Variants in OTOGL observed in about 807,000 individuals in gnomAD.
OTOGL encodes the protein otogelin like, also known as otogelin-like protein.
A neutral mutation model predicts 318.5 loss-of-function variants in OTOGL; 285 were observed. The ratio of observed to expected loss-of-function variants is 0.89; its 90% CI spans 0.81 to 0.99. OTOGL has a LOEUF of 0.99. Ranked by LOEUF, OTOGL falls within the 50% of genes least tolerant of loss-of-function variation. The probability of loss-of-function intolerance (pLI) is 0.00; values close to 1 mark genes in which losing one functional copy is unlikely to be tolerated. For synonymous variants in OTOGL, 987 were observed against 936.5 expected (o/e 1.05, Z -0.99); for missense variants, 2,899 against 2,845.6 (o/e 1.02, Z -0.43).
intron 7 of OTOGL, among the ~76,000 whole-genome samples, chr12:80,225,475 CT>C (rs1019817005): frequency 6.6e-6 from 1 of 152,052 alleles, no homozygotes; most frequent in African/African-American, 2.4e-5. Flanking sequence ...TGAAATGTCA[CT>C]TTCCCCTTGA....
In OTOGL at chr12:80,377,833, TG is replaced by T; in HGVS notation, c.6862-14del. ...AAAAGTTTAAGACTTTTTTTCTCAT[TG>T]TCACTTCTTACAGATAAATGTTGCA... On this transcript the variant is annotated splice_polypyrimidine_tract_variant and intron_variant, in intron 58 of 58. Transcript: ENST00000547103. 1.3e-6 allele frequency: 2 copies of T among 1,584,118 alleles called. No homozygotes were observed. The highest frequency in any genetic ancestry group is 1.7e-6 in the Non-Finnish European group (2 of 1,158,136).
chr12:80,176,184 G>T (rs551255679), intron 1 of OTOGL, among the ~76,000 whole-genome samples: 1 of 152,262 alleles, frequency 6.6e-6, no homozygotes, highest in South Asian at 2.1e-4. Flanking sequence ...ATTTGCTGAT[G>T]TCCATTTCAC....
chr12:80,278,923 G>A, intron 25 of OTOGL, 105 bp from the exon 26 acceptor site: 13 of 1,304,228 alleles, frequency 1.0e-5, no homozygotes, highest in Admixed American at 1.9e-5. Context: ...AAGGGATATT[G>A]ACTCATGAAT....
intron 26 of OTOGL, among the ~76,000 whole-genome samples, chr12:80,287,852 A>G (rs1321924196): frequency 6.6e-6 from 1 of 152,014 alleles, no homozygotes; most frequent in South Asian, 2.1e-4. Context: ...TCCTTGTCCA[A>G]TTTGCCAGTC....
rs771514352 is a variant in OTOGL, at chr12:80,342,078, A to T, written c.5181A>T (p.Arg1727Ser). ...IEKSFEVTMRRPVRNCTEHDC... is the reference protein window; with the variant it reads ...IEKSFEVTMRSPVRNCTEHDC... ...AATCATTTGAAGTAACAATGAGAAG[A>T]CCTGTTAGGAATTGTACTGAGCATG... The change falls in exon 44 of 59, where the codon AGA (arginine) becomes AGT (serine). Residue 1727 changes from arginine (R) to serine (S), a missense_variant. This residue lies in a region of OTOGL where 2,607 missense variants were observed against 2,524.9 expected (regional missense o/e 1.03). Coordinates refer to ENST00000547103, the MANE Select transcript of OTOGL (RefSeq NM_001378609.3). 4.4e-6 allele frequency: 7 copies of T among 1,607,048 alleles called. No homozygotes were observed. Among genetic ancestry groups the T allele is most frequent in the African/African-American group, 1.3e-5 (1 of 74,868 alleles).
At chr12:80,307,243 A>G (rs374502812) in intron 29 of OTOGL, among the ~76,000 whole-genome samples, 7,837 of 119,000 alleles carry the variant, frequency 0.066, 280 homozygotes, top group Middle Eastern at 0.18. Flanking sequence ...CGATTTCTCA[A>G]TCTTTTCCCC....
intron 56 of OTOGL, 84 bp from the exon 57 acceptor site, chr12:80,371,935 G>C (rs1211315089): frequency 2.4e-6 from 2 of 845,262 alleles, no homozygotes; most frequent in East Asian, 6.3e-5. Flanking sequence ...AAAAGTTTTA[G>C]AAAAGTTAGT....
At chr12:80,336,665 C>A in intron 40 of OTOGL, 110 bp downstream of exon 40, 1 of 1,421,130 alleles carries the variant, frequency 7.0e-7, no homozygotes, top group South Asian at 1.4e-5. Flanking sequence ...TCACTGAGAT[C>A]GGTCTTCTGA....
chr12:80,107,067 G>T (rs1440683796), intron 1 of OTOGL, among the ~76,000 whole-genome samples: 1 of 152,020 alleles, frequency 6.6e-6, no homozygotes, highest in Non-Finnish European at 1.5e-5. Context: ...GATATTGACT[G>T]GGCTTGCTCA....
chr12:80,188,040 C>A (rs1247998462), intron 1 of OTOGL, among the ~76,000 whole-genome samples: 1 of 152,126 alleles, frequency 6.6e-6, no homozygotes, highest in Non-Finnish European at 1.5e-5. Flanking sequence ...CAGGATGCAG[C>A]TTGAAATATT....
At position 80,145,105 on chromosome 12, in the gene OTOGL, G is replaced by T. The variant is rs1388659884; in HGVS notation, c.-20+45500G>T. ...TTTGTCTTTTGTTGCCATTGCTTTTGGTGTTTTAGACATGAAGTCCTTGCC... is the reference window on the plus strand; with the variant it reads ...TTTGTCTTTTGTTGCCATTGCTTTTTGTGTTTTAGACATGAAGTCCTTGCC... On this transcript the variant is annotated intron_variant, in intron 1 of 58. Transcript: ENST00000547103. 4.0e-5 allele frequency among the ~76,000 whole-genome samples: 6 copies of T among 151,460 alleles called. No individual in the cohort carries two copies. In the South Asian group the frequency reaches 1.0e-3, roughly 26 times the overall value.
intron 57 of OTOGL, 51 bp downstream of exon 57, chr12:80,372,115 C>T: frequency 6.4e-6 from 8 of 1,256,816 alleles, no homozygotes; most frequent in Non-Finnish European, 8.6e-6. Flanking sequence ...GTTTTAATTG[C>T]TCATAGTGAT....
chr12:80,288,470 T>G, intron 26 of OTOGL, among the ~76,000 whole-genome samples: 1 of 152,176 alleles, frequency 6.6e-6, no homozygotes, highest in East Asian at 1.9e-4. Flanking sequence ...GAAGTTCTCC[T>G]GGATAATATC....
In OTOGL at chr12:80,234,673, G is replaced by A. The variant is rs143245816; in HGVS notation, c.817+1576G>A. Among the ~76,000 whole-genome samples, 495 of 152,220 alleles carry A rather than the reference G, an allele frequency of 3.3e-3. 5 individuals are homozygous for A. The highest frequency in any genetic ancestry group is 0.011 in the African/African-American group (467 of 41,540). Reference sequence around the variant, plus strand: ...GTCATCTCCAAGTATTTCTCCATAAGCCTATAATGGGGCTGAAATAAAAAC... The same window carrying A: ...GTCATCTCCAAGTATTTCTCCATAAACCTATAATGGGGCTGAAATAAAAAC... On this transcript the variant is annotated intron_variant, in intron 9 of 58. Transcript: ENST00000547103.
At position 80,310,679 on chromosome 12, in the gene OTOGL, AG is replaced by A. The variant is rs1215345219; in HGVS notation, c.3403del (p.Glu1135AsnfsTer16). 1.9e-6 allele frequency: 3 copies of A among 1,595,232 alleles called. No homozygotes were observed. In the African/African-American group the frequency reaches 4.0e-5, roughly 21 times the overall value. On this transcript the variant is annotated frameshift_variant, in exon 30 of 59. Coordinates refer to ENST00000547103, the MANE Select transcript of OTOGL (RefSeq NM_001378609.3). LOFTEE classifies it high-confidence loss of function. The part of the protein sequence containing the change: ...HQNKFPYAKK[E>X]CSILYSDIFA... ...AAAACAAATTTCCTTATGCCAAGAA[AG>A]AATGCTCCATTTTGTACAGTGATAT...
At chr12:80,270,864 C>G in intron 23 of OTOGL, among the ~76,000 whole-genome samples, 1 of 152,026 alleles carries the variant, frequency 6.6e-6, no homozygotes, top group East Asian at 1.9e-4. Context: ...ACATAATAAA[C>G]AATACTTGCT....
intron 1 of OTOGL, among the ~76,000 whole-genome samples, chr12:80,144,034 G>A (rs957728633): frequency 2.7e-5 from 4 of 149,854 alleles, no homozygotes; most frequent in South Asian, 2.1e-4. Flanking sequence ...ATGCTCTGTC[G>A]TTTTGTGCTT....
intron 11 of OTOGL, among the ~76,000 whole-genome samples, chr12:80,243,322 T>G (rs1880543437): frequency 6.6e-6 from 1 of 151,984 alleles, no homozygotes; most frequent in African/African-American, 2.4e-5. Flanking sequence ...GCATTCAGTA[T>G]CCAATGAAAA....
chr12:80,330,736 G>T (rs1477610783), intron 37 of OTOGL, among the ~76,000 whole-genome samples: 7 of 152,064 alleles, frequency 4.6e-5, no homozygotes, highest in Admixed American at 4.6e-4. Context: ...TTATTCTAAG[G>T]GATCTACTGA....
Sources: gnomAD v4.1 joint callset for allele counts (sites outside exome capture counted in the v4.1 genomes callset) on GRCh38, gnomAD v4.1.1 for gene constraint, gnomAD v4.1.1 regional missense constraint, MANE v1.5 for transcripts, NCBI Gene and HGNC (gene_info 2026-07-23, HGNC 2026-07-21) for gene names.